Variants in TENM4 observed in about 807,000 individuals in gnomAD.
TENM4 encodes the protein teneurin-4.
Under a neutral mutation model 243.3 loss-of-function variants are expected in TENM4, and 82 were observed. That is an observed-to-expected ratio of 0.34 (90% CI 0.28 to 0.40). TENM4 has a LOEUF of 0.40. TENM4 is among the 10% of genes least tolerant of loss of function. The pLI is 1.00. For missense variants in TENM4, 3,138 were observed against 3,673.3 expected, an observed-to-expected ratio of 0.85 and a Z score of 3.77; for synonymous variants, 1,412 against 1,456.3, an observed-to-expected ratio of 0.97 and a Z score of 0.69.
At chr11:79,168,012 G>C (rs1016540897) in intron 3 of TENM4, among the ~76,000 whole-genome samples, 9 of 152,230 alleles carry the variant, frequency 5.9e-5, no homozygotes, top group African/African-American at 2.2e-4. Flanking sequence ...GCCAAGGATG[G>C]AAAAAGCATC....
chr11:78,715,571 G>C lies in TENM4; in HGVS notation c.3822-2857C>G, dbSNP rs1238294283. Among the ~76,000 whole-genome samples, 3 of 152,160 alleles carry C rather than the reference G, an allele frequency of 2.0e-5. 1 individual carries two copies. Among genetic ancestry groups the C allele is most frequent in the Admixed American group, 2.0e-4 (3 of 15,286 alleles). The stretch of plus-strand genomic sequence containing the variant: ...CCCAGAGTCCGTAAGAGCTGTGGCT[G>C]CATCTTTCAGCCCAAGGACAAATCT... On this transcript the variant is annotated intron_variant, in intron 25 of 33. Transcript: ENST00000278550.
intron 1 of TENM4, among the ~76,000 whole-genome samples, chr11:79,387,793 C>T (rs1274184662): frequency 6.6e-6 from 1 of 152,096 alleles, no homozygotes; most frequent in African/African-American, 2.4e-5. Flanking sequence ...TCACTTAAGC[C>T]CAGGAGTTCG....
At chr11:78,980,711 G>A (rs537478616) in intron 6 of TENM4, among the ~76,000 whole-genome samples, 2 of 152,296 alleles carry the variant, frequency 1.3e-5, no homozygotes, top group African/African-American at 2.4e-5. Context: ...TTAGTTTTCT[G>A]AGCCTCAGTT....
chr11:79,348,071 G>T (rs1187984755), intron 1 of TENM4, among the ~76,000 whole-genome samples: 1 of 152,076 alleles, frequency 6.6e-6, no homozygotes, highest in South Asian at 2.1e-4. Flanking sequence ...GAGCCACCGC[G>T]CCCGGCCCCT....
At chr11:78,928,780 T>C (rs1022488942) in intron 6 of TENM4, among the ~76,000 whole-genome samples, 1 of 152,228 alleles carries the variant, frequency 6.6e-6, no homozygotes, top group African/African-American at 2.4e-5. Flanking sequence ...GAGCAGGCTT[T>C]AAAGTGACAT....
chr11:78,712,783 A>C (rs1249742719), intron 25 of TENM4, 69 bp from the exon 26 acceptor site: 3 of 1,426,192 alleles, frequency 2.1e-6, no homozygotes, highest in Non-Finnish European at 2.0e-6. Flanking sequence ...AGATGTACAG[A>C]TGAACCCCTG....
chr11:79,379,188 C>T (rs765345933), intron 1 of TENM4, among the ~76,000 whole-genome samples: 9 of 152,070 alleles, frequency 5.9e-5, no homozygotes, highest in African/African-American at 1.9e-4. Flanking sequence ...GAGAAAGGCT[C>T]GTGGGTTCAA....
intron 17 of TENM4, among the ~76,000 whole-genome samples, chr11:78,774,237 CTTGTT>C (rs776432087): frequency 5.9e-5 from 9 of 152,252 alleles, no homozygotes; most frequent in Non-Finnish European, 8.8e-5. Flanking sequence ...ATTGGATTTA[CTTGTT>C]TTAAGTTTGT....
rs1219738599 is a variant in TENM4 at position 79,440,110 on chromosome 11, C to T, written c.-321+399G>A. Among the ~76,000 whole-genome samples the T allele has an allele frequency of 6.6e-6, 1 of 152,110 alleles. No individual in the cohort carries two copies. The highest frequency in any genetic ancestry group is 2.4e-5 in the African/African-American group (1 of 41,444). Reference sequence around the variant, plus strand: ...GGGCTCCTCCAGCGCCCGACGGGGGCCTGGGGCGAGCTAGTCTGCAGAGGG... The same window carrying T: ...GGGCTCCTCCAGCGCCCGACGGGGGTCTGGGGCGAGCTAGTCTGCAGAGGG... On this transcript the variant is annotated intron_variant, in intron 1 of 33. Transcript: ENST00000278550. The surrounding 1 kb of genome is among the most constrained non-coding windows in gnomAD (Gnocchi z 4.7).
chr11:79,274,416 A>T (rs974315593), intron 2 of TENM4, among the ~76,000 whole-genome samples: 3 of 152,218 alleles, frequency 2.0e-5, no homozygotes, highest in African/African-American at 7.2e-5. Flanking sequence ...AAAATCAACT[A>T]AATCAAGTTG....
At chr11:78,745,229 T>C (rs1400476798) in intron 19 of TENM4, among the ~76,000 whole-genome samples, 2 of 138,838 alleles carry the variant, frequency 1.4e-5, no homozygotes, top group Non-Finnish European at 3.1e-5. Context: ...TTCTTTTTCT[T>C]TTTTTTTTTT....
intron 1 of TENM4, among the ~76,000 whole-genome samples, chr11:79,359,512 G>T (rs1199342568): frequency 2.6e-5 from 4 of 152,152 alleles, no homozygotes; most frequent in Non-Finnish European, 5.9e-5. Context: ...AAGCTGGGTG[G>T]TGAATACATG....
rs747516983 is a variant in TENM4 at position 78,658,742 on chromosome 11, G to T, written c.7626C>A (p.Leu2542=). The T allele has an allele frequency of 6.2e-7, 1 of 1,613,908 alleles. No individual in the cohort carries two copies. Among genetic ancestry groups the T allele is most frequent in the Non-Finnish European group, 8.5e-7 (1 of 1,179,906 alleles). Residue 2542 remains leucine, a synonymous_variant, in exon 34 of 34, where the codon CTC becomes CTA. Transcript: ENST00000278550. ...GGCAGCTGGTGATTGTGGAGCCATAGAGCTGGTCAAACCGTTCTAAGGTGA... is the reference window on the plus strand; with the variant it reads ...GGCAGCTGGTGATTGTGGAGCCATATAGCTGGTCAAACCGTTCTAAGGTGA... ...AFVTLERFDQ[L]YGSTITSCQQ... is the part of the protein sequence containing the mutation.
intron 3 of TENM4, among the ~76,000 whole-genome samples, chr11:79,175,481 A>C (rs1272536111): frequency 6.6e-6 from 1 of 152,254 alleles, no homozygotes; most frequent in African/African-American, 2.4e-5. Context: ...AAACTCTGGC[A>C]TTCCACAGGA....
At chr11:78,738,597 A>G in intron 19 of TENM4, 27 bp from the exon 20 acceptor site, 1 of 1,609,034 alleles carries the variant, frequency 6.2e-7, no homozygotes, top group Non-Finnish European at 8.5e-7. Context: ...GAGAATAAAC[A>G]TGATACACCT....
Position 79,254,343 on chromosome 11 carries a change from G to A in TENM4, c.-264-38434C>T, listed in dbSNP as rs763581850. Among the ~76,000 whole-genome samples, 126 of 152,196 alleles carry A rather than the reference G, an allele frequency of 8.3e-4. 1 individual carries two copies. The highest frequency in any genetic ancestry group is 2.5e-4 in the Non-Finnish European group (17 of 68,030). ...GCAGTTAACAAGAGTAATTAGTTTT[G>A]TAAGGACTGATAGTGAAACACCTCC... On this transcript the variant is annotated intron_variant, in intron 2 of 33. Coordinates refer to ENST00000278550, the MANE Select transcript of TENM4 (RefSeq NM_001098816.3).
rs547728754 is a variant in TENM4 at position 79,100,977 on chromosome 11, C to T, written c.-65-30968G>A. On this transcript the variant is annotated intron_variant, in intron 4 of 33. Transcript: ENST00000278550. ...GAAGCAAAAATGGAAGCTGCAGAGG[C>T]GTGTGGGCTGGACTGGGGAGAGTGC... 1.1e-4 allele frequency among the ~76,000 whole-genome samples: 16 copies of T among 152,126 alleles called. No individual in the cohort carries two copies. The South Asian group carries it at 1.5e-3, about 14-fold the overall frequency.
Position 78,672,014 on chromosome 11 carries a change from C to G in TENM4, c.5793+19G>C. On this transcript the variant is annotated intron_variant, in intron 31 of 33. Transcript: ENST00000278550. ...CTTCTGTATGGCAAGGCCAGTGATG[C>G]AGGGAGACAGACACCTGCCTTCTCT... 1.2e-6 allele frequency: 2 copies of G among 1,602,724 alleles called. No homozygotes were observed. Among genetic ancestry groups the G allele is most frequent in the Non-Finnish European group, 1.7e-6 (2 of 1,173,392 alleles).
chr11:79,183,372 G>A (rs903251956), intron 3 of TENM4, among the ~76,000 whole-genome samples: 2 of 152,196 alleles, frequency 1.3e-5, no homozygotes, highest in African/African-American at 4.8e-5. Flanking sequence ...ACAGTGAAAA[G>A]ATCAGTGGTT....
Sources: allele counts gnomAD v4.1 joint callset (sites outside exome capture counted in the v4.1 genomes callset), GRCh38; gene constraint gnomAD v4.1.1; non-coding constraint Gnocchi (gnomAD v3.1); transcripts MANE v1.5; gene names NCBI Gene and HGNC (gene_info 2026-07-23, HGNC 2026-07-21).